The following AKAP4 variants were observed in gnomAD, a reference collection of about 807,000 sequenced individuals.
AKAP4 encodes A-kinase anchoring protein 4, also known as A-kinase anchor protein 4.
In AKAP4, 4 loss-of-function variants were observed where a neutral mutation model predicts 42.6. That is an observed-to-expected ratio of 0.09 (90% CI 0.05 to 0.22). The LOEUF is 0.22. Among genes scored for constraint, AKAP4 ranks in the 10% least tolerant of loss-of-function variants. The pLI, the probability that AKAP4 is intolerant of heterozygous loss-of-function variation, is 1.00. For missense variants in AKAP4, 551 were observed against 630.7 expected (o/e 0.87, Z 1.35); for synonymous variants, 223 against 233.0 (o/e 0.96, Z 0.39).
At chrX:50,196,019 T>A (rs1027284001) in intron 4 of AKAP4, among the ~76,000 whole-genome samples, 7 of 111,810 alleles carry the variant, frequency 6.3e-5, no homozygotes, top group Non-Finnish European at 1.3e-4. Flanking sequence ...ATCAAGCAGA[T>A]CTGCATTGTA....
Position 50,192,546 on chromosome X carries a change from C to T in AKAP4, c.2167G>A (p.Glu723Lys). Residue 723 changes from glutamate to lysine, a missense_variant, in exon 5 of 6, where the codon GAG (glutamate) becomes AAG (lysine). Transcript: ENST00000358526. The part of the protein sequence containing the change: ...KYSNDGAALA[E>K]LEEQAASANK... ...GCCGAGGCTGCTTGTTCTTCCAACTCAGCAAGGGCTGCCCCATCGTTGCTA... is the reference window on the plus strand; with the variant it reads ...GCCGAGGCTGCTTGTTCTTCCAACTTAGCAAGGGCTGCCCCATCGTTGCTA... 8.3e-7 allele frequency: 1 copy of T among 1,211,849 alleles called. No homozygotes were observed. The highest frequency in any genetic ancestry group is 1.1e-6 in the Non-Finnish European group (1 of 895,567).
At chrX:50,198,520 CCT>C in intron 2 of AKAP4, 135 bp downstream of exon 2, 2 of 441,988 alleles carry the variant, frequency 4.5e-6, no homozygotes, top group Non-Finnish European at 7.9e-6. Context: ...CATGCTGGCC[CCT>C]GACAGACCTT....
rs12012704 is a variant in AKAP4, at chrX:50,192,695, G to C, written c.2018C>G (p.Ala673Gly). 0.011 allele frequency: 13,460 copies of C among 1,209,958 alleles called. 960 individuals carry two copies. In the African/African-American group the frequency reaches 0.21, roughly 19 times the overall value. ...TTGATGCTCCTGGCATTGTTCTTCC[G>C]CTTTGTCAGATCTGTTGGACATGGA... ...AASMSNRSDK[A>G]EEQCQEHQEL... The change falls in exon 5 of 6, where the codon GCG becomes GGG. Residue 673 changes from alanine to glycine, a missense_variant. Physicochemically the swap from Ala to Gly is moderately conservative, Grantham distance 60. Coordinates refer to ENST00000358526, the MANE Select transcript of AKAP4 (RefSeq NM_003886.3).
chrX:50,197,440 T>C, intron 3 of AKAP4, 104 bp downstream of exon 3: 1 of 685,437 alleles, frequency 1.5e-6, no homozygotes, highest in African/African-American at 2.2e-5. Context: ...AGTCCCCTCC[T>C]CCTTTCCCCT....
rs1025266828 is a variant in AKAP4 at position 50,191,472 on chromosome X, G to A, written c.2410-357C>T. 4.5e-5 allele frequency among the ~76,000 whole-genome samples: 5 copies of A among 111,096 alleles called. No homozygotes were observed. In the Admixed American group the frequency reaches 4.8e-4, roughly 11 times the overall value. On this transcript the variant is annotated intron_variant, in intron 5 of 5. Coordinates refer to ENST00000358526, the MANE Select transcript of AKAP4 (RefSeq NM_003886.3). ...GTGCTGATTGCTAGGTCAAGGTTTG[G>A]GGTTGCCATTCCCCCACCTCCCTAA...
Position 50,193,710 on chromosome X carries a change from C to A in AKAP4, c.1003G>T (p.Val335Phe), listed in dbSNP as rs1318155182. 2 of 1,211,255 alleles carry A rather than the reference C, an allele frequency of 1.7e-6. No individual in the cohort carries two copies. Among genetic ancestry groups the A allele is most frequent in the Non-Finnish European group, 1.1e-6 (1 of 895,315 alleles). The change falls in exon 5 of 6, where the codon GTT becomes TTT. Residue 335 changes from valine (V) to phenylalanine (F), a missense_variant. By Grantham distance (50) the Val-to-Phe change is conservative (BLOSUM62 -1). Transcript: ENST00000358526. ...FADSISKGLM[V>F]YANQVASDMM... Reference sequence around the variant, plus strand: ...TCAGATGCCACCTGATTTGCATAAACCATGAGCCCCTTGCTGATGGAATCT... The same window carrying A: ...TCAGATGCCACCTGATTTGCATAAAACATGAGCCCCTTGCTGATGGAATCT...
In AKAP4 at chrX:50,200,940, C is replaced by T; in HGVS notation, c.-51G>A. The stretch of plus-strand genomic sequence containing the variant: ...TGTTGATTTGGATGCTGTGATGACT[C>T]TTCCAGTCTGCCTCAAGATACTGCT... On this transcript the variant is annotated 5_prime_UTR_variant, in exon 1 of 6. Transcript: ENST00000358526. 8.7e-7 allele frequency: 1 copy of T among 1,149,743 alleles called. No individual in the cohort carries two copies. Among genetic ancestry groups the T allele is most frequent in the Non-Finnish European group, 1.2e-6 (1 of 840,243 alleles). The allele number at this position is 1,149,743 out of a possible 1,213,427, so 94.8% of individuals were successfully genotyped here.
At position 50,192,788 on chromosome X, in the gene AKAP4, G is replaced by C. The variant is rs1557203846; in HGVS notation, c.1925C>G (p.Pro642Arg). Residue 642 changes from proline (P) to arginine (R), a missense_variant, in exon 5 of 6, where the codon CCC becomes CGC. By Grantham distance (103) the Pro-to-Arg change is moderately radical. Transcript: ENST00000358526. Reference protein sequence around the residue: ...MLIQKLLNENPFKCEDPCEGE... With the variant: ...MLIQKLLNENRFKCEDPCEGE... ...TTCGCATGGATCCTCACATTTGAAG[G>C]GGTTCTCATTAAGCAGTTTCTGAAT... 8.3e-7 allele frequency: 1 copy of C among 1,211,443 alleles called. No individual in the cohort carries two copies. The highest frequency in any genetic ancestry group is 2.2e-5 in the Admixed American group (1 of 46,009).
At position 50,190,971 on chromosome X, in the gene AKAP4, C is replaced by T. The variant is rs148437239; in HGVS notation, c.2554G>A (p.Ala852Thr). 915 of 1,207,542 alleles carry T rather than the reference C, an allele frequency of 7.6e-4. 7 individuals carry two copies. In the African/African-American group the frequency reaches 0.013, roughly 17 times the overall value. ...ARKQLLDWLL[A>T]NL ...AGTCAAGGATCAGCTCACAGGTTAG[C>T]GAGCAGCCAGTCCAGCAACTGTTTC... Residue 852 changes from alanine to threonine, a missense_variant, in exon 6 of 6, where the codon GCT (alanine) becomes ACT (threonine). Physicochemically the swap from Ala to Thr is moderately conservative, Grantham distance 58 (BLOSUM62 0). Transcript: ENST00000358526.
In AKAP4 at chrX:50,193,032, T is replaced by G; in HGVS notation, c.1681A>C (p.Lys561Gln). 8.3e-7 allele frequency: 1 copy of G among 1,211,785 alleles called. No individual in the cohort carries two copies. The highest frequency in any genetic ancestry group is 1.8e-5 in the South Asian group (1 of 56,940). Reference protein sequence around the residue: ...LIQYHLTQQTKGKDTCEEDCP... With the variant: ...LIQYHLTQQTQGKDTCEEDCP... ...TCTTCTTCACATGTATCTTTGCCCT[T>G]AGTCTGCTGGGTCAGATGGTACTGG... Residue 561 changes from lysine (K) to glutamine (Q), a missense_variant, in exon 5 of 6, where the codon AAG becomes CAG. Physicochemically the swap from Lys to Gln is moderately conservative, Grantham distance 53 (BLOSUM62 1). Coordinates refer to ENST00000358526, the MANE Select transcript of AKAP4 (RefSeq NM_003886.3).
chrX:50,190,803 C>T lies in AKAP4; in HGVS notation c.*157G>A. The T allele has an allele frequency of 6.5e-6, 3 of 464,580 alleles. No homozygotes were observed. The highest frequency in any genetic ancestry group is 4.1e-5 in the East Asian group (1 of 24,353). The allele number at this position is 464,580 out of a possible 1,213,427, so 38.3% of individuals were successfully genotyped here. ...TATTATTTTTTTTTATTTTATTTCC[C>T]AGTTTGTTGACACCTCTTACATTCA... On this transcript the variant is annotated 3_prime_UTR_variant, in exon 6 of 6. Transcript: ENST00000358526.
At chrX:50,196,810 A>G in intron 4 of AKAP4, 81 bp downstream of exon 4, 1 of 699,337 alleles carries the variant, frequency 1.4e-6, no homozygotes, top group South Asian at 2.4e-5. Context: ...TAAGTGTCTT[A>G]CCATGTCTGA....
At chrX:50,199,625 A>G (rs1935234669) in intron 1 of AKAP4, among the ~76,000 whole-genome samples, 1 of 111,105 alleles carries the variant, frequency 9.0e-6, no homozygotes, top group Non-Finnish European at 1.9e-5. Context: ...CACAGTTAAG[A>G]GCTCAGTAGA....
chrX:50,197,306 T>C (rs782359740), intron 3 of AKAP4, among the ~76,000 whole-genome samples: 1 of 110,768 alleles, frequency 9.0e-6, no homozygotes, highest in Non-Finnish European at 1.9e-5. Flanking sequence ...CTATCTTCCA[T>C]GTTTTATCTC....
Position 50,192,803 on chromosome X carries a change from A to G in AKAP4, c.1910T>C (p.Leu637Pro). 8.3e-7 allele frequency: 1 copy of G among 1,211,716 alleles called. No homozygotes were observed. The highest frequency in any genetic ancestry group is 1.1e-6 in the Non-Finnish European group (1 of 895,516). ...SNIVLMLIQK[L>P]LNENPFKCED... ...ACATTTGAAGGGGTTCTCATTAAGC[A>G]GTTTCTGAATCAGCATTAGAACGAT... is the stretch of plus-strand genomic sequence containing the variant. The change falls in exon 5 of 6, where the codon CTG (leucine) becomes CCG (proline). Residue 637 changes from leucine (L) to proline (P), a missense_variant. Coordinates refer to ENST00000358526, the MANE Select transcript of AKAP4 (RefSeq NM_003886.3).
Position 50,192,509 on chromosome X carries a change from T to C in AKAP4, c.2204A>G (p.Asn735Ser), listed in dbSNP as rs61751433. Residue 735 changes from asparagine to serine, a missense_variant, in exon 5 of 6, where the codon AAT becomes AGT. Transcript: ENST00000358526. The part of the protein sequence containing the change: ...EEQAASANKP[N>S]FRGTRCIHSG... ...GTGAATGCATCTGGTGCCCCTGAAA[T>C]TGGGCTTATTTGCCGAGGCTGCTTG... 2 of 1,211,370 alleles carry C rather than the reference T, an allele frequency of 1.7e-6. No individual in the cohort carries two copies. The highest frequency in any genetic ancestry group is 2.2e-6 in the Non-Finnish European group (2 of 895,405).
Position 50,194,131 on chromosome X carries a change from A to C in AKAP4, c.582T>G (p.Pro194=). ...TCTGAGTGCTAGGAGGTTTGGCTGG[A>C]GGAGCTGAAGGACTTTGATTATTGT... The part of the protein sequence containing the change: ...NTNNNQSPSA[P]PAKPPSTQRA... The change falls in exon 5 of 6, where the codon CCT becomes CCG. Residue 194 remains proline (P), a synonymous_variant. Coordinates refer to ENST00000358526, the MANE Select transcript of AKAP4 (RefSeq NM_003886.3). The C allele has an allele frequency of 8.3e-7, 1 of 1,211,719 alleles. No individual in the cohort carries two copies. Among genetic ancestry groups the C allele is most frequent in the Non-Finnish European group, 1.1e-6 (1 of 895,510 alleles).
chrX:50,198,608 C>T (rs1557204576), intron 2 of AKAP4, 49 bp downstream of exon 2: 1 of 993,544 alleles, frequency 1.0e-6, no homozygotes, highest in Non-Finnish European at 1.4e-6. Flanking sequence ...TATCTATACC[C>T]ATATGCCAAT....
At chrX:50,196,411 G>T (rs1370564120) in intron 4 of AKAP4, among the ~76,000 whole-genome samples, 1 of 111,541 alleles carries the variant, frequency 9.0e-6, no homozygotes, top group Admixed American at 9.5e-5. Context: ...ACCAAAAGGA[G>T]TTTGTATGTC....
Sources: allele counts gnomAD v4.1 joint callset (sites outside exome capture counted in the v4.1 genomes callset), GRCh38; gene constraint gnomAD v4.1.1; transcripts MANE v1.5; gene names NCBI Gene and HGNC (gene_info 2026-07-23, HGNC 2026-07-21).